The following SLC30A6 variants were observed in gnomAD, a reference collection of about 807,000 sequenced individuals.
SLC30A6 encodes the protein solute carrier family 30 member 6.
SLC30A6 carries 55 observed loss-of-function variants against 63.0 expected under a neutral mutation model. The ratio of observed to expected loss-of-function variants is 0.87; its 90% CI spans 0.70 to 1.09. The LOEUF is 1.09. Among genes scored for constraint, SLC30A6 ranks in the 50% least tolerant of loss-of-function variants. SLC30A6 has a pLI of 0.00. For missense variants in SLC30A6, 587 were observed against 549.2 expected (o/e 1.07, Z -0.69); for synonymous variants, 224 against 186.1 (o/e 1.20, Z -1.66).
At chr2:32,212,642 G>A (rs1195827675) in intron 13 of SLC30A6, among the ~76,000 whole-genome samples, 1 of 123,690 alleles carries the variant, frequency 8.1e-6, no homozygotes, top group Non-Finnish European at 1.6e-5. Context: ...CGCCAGGCTA[G>A]ACTGAGTGCA....
At chr2:32,203,840 G>A (rs1170709404) in intron 10 of SLC30A6, 2 of 1,381,288 alleles carry the variant, frequency 1.4e-6, no homozygotes, top group African/African-American at 2.8e-5. Context: ...CAGAGGAGTG[G>A]TTGGTCAAGT....
Position 32,165,896 on chromosome 2 carries a change from T to G in SLC30A6, c.-5T>G, listed in dbSNP as rs747352265. The G allele has an allele frequency of 2.5e-6, 4 of 1,614,182 alleles. 1 individual carries two copies. The South Asian group carries it at 3.3e-5, about 13-fold the overall frequency. The stretch of plus-strand genomic sequence containing the variant: ...CTTCCGGCGGGAGCTGTGCAGCTCC[T>G]TATCATGGTGAGTTGGCTGTTGGGG... On this transcript the variant is annotated 5_prime_UTR_variant, in exon 1 of 14. Transcript: ENST00000282587.
intron 7 of SLC30A6, 56 bp downstream of exon 7, chr2:32,193,009 G>A: frequency 1.8e-6 from 2 of 1,134,918 alleles, no homozygotes; most frequent in South Asian, 1.6e-5. Context: ...ATTAATTGAT[G>A]TATTATTAAA....
chr2:32,211,661 A>G (rs960809784), intron 13 of SLC30A6, among the ~76,000 whole-genome samples: 2 of 151,790 alleles, frequency 1.3e-5, no homozygotes, highest in African/African-American at 4.8e-5. Context: ...TCTGTCGCCC[A>G]GGTGGGCGTG....
At chr2:32,188,838 C>G (rs1405133462) in intron 5 of SLC30A6, among the ~76,000 whole-genome samples, 1 of 152,208 alleles carries the variant, frequency 6.6e-6, no homozygotes. Context: ...AACCTCCCTT[C>G]GTGTCCATTC....
At chr2:32,213,575 G>C (rs1404915052) in intron 13 of SLC30A6, among the ~76,000 whole-genome samples, 1 of 151,848 alleles carries the variant, frequency 6.6e-6, no homozygotes, top group Non-Finnish European at 1.5e-5. Flanking sequence ...CCTTTTATTT[G>C]GGTTTTCATA....
intron 13 of SLC30A6, among the ~76,000 whole-genome samples, chr2:32,211,520 A>G (rs1156892770): frequency 6.6e-6 from 1 of 150,694 alleles, no homozygotes; most frequent in Non-Finnish European, 1.5e-5. Flanking sequence ...TGCCCAAAAG[A>G]TTTTTTTTTA....
chr2:32,178,199 G>A (rs1409613693), intron 4 of SLC30A6, among the ~76,000 whole-genome samples: 1 of 150,786 alleles, frequency 6.6e-6, no homozygotes, highest in East Asian at 2.0e-4. Context: ...CGCCCGCCTC[G>A]GCTTCCCAAA....
chr2:32,203,940 T>A, intron 10 of SLC30A6: 1 of 802,744 alleles, frequency 1.2e-6, no homozygotes, highest in Non-Finnish European at 2.2e-6. Flanking sequence ...GACAAGATGG[T>A]AGAAGATGAA....
chr2:32,171,462 A>T (rs752766021), intron 2 of SLC30A6, 89 bp downstream of exon 2: 6 of 948,338 alleles, frequency 6.3e-6, no homozygotes, highest in Non-Finnish European at 9.9e-6. Context: ...AATAGAAATC[A>T]CTCCTGATCC....
At chr2:32,173,955 A>G in intron 2 of SLC30A6, 108 bp from the exon 3 acceptor site, 1 of 735,658 alleles carries the variant, frequency 1.4e-6, no homozygotes, top group Non-Finnish European at 2.1e-6. Flanking sequence ...TTTTTGAAGG[A>G]AGTTATGTTT....
chr2:32,219,061 CCTT>C (rs773006881), intron 13 of SLC30A6, among the ~76,000 whole-genome samples: 54 of 151,924 alleles, frequency 3.6e-4, no homozygotes, highest in South Asian at 1.0e-3. Flanking sequence ...TTCCTTCTTC[CCTT>C]CTTCTCTTCC....
chr2:32,177,945 T>A (rs936948414), intron 4 of SLC30A6, among the ~76,000 whole-genome samples: 21 of 131,308 alleles, frequency 1.6e-4, no homozygotes, highest in African/African-American at 5.4e-4. Context: ...TTTGAGTTAA[T>A]TTTTTTTTTT....
rs565620344 is a variant in SLC30A6 at position 32,165,963 on chromosome 2, T to C, written c.3+60T>C. ...AGCTGATTCGGTTTATCTTATTTGG[T>C]CCCGAAGCGACCTTGAAATCCCTCA... On this transcript the variant is annotated intron_variant, in intron 1 of 13. Coordinates refer to ENST00000282587, the MANE Select transcript of SLC30A6 (RefSeq NM_017964.5). The C allele has an allele frequency of 4.4e-5, 71 of 1,613,156 alleles. No individual in the cohort carries two copies. In the East Asian group the frequency reaches 1.5e-3, roughly 34 times the overall value.
At chr2:32,190,197 G>A (rs1251129515) in intron 5 of SLC30A6, among the ~76,000 whole-genome samples, 4 of 152,054 alleles carry the variant, frequency 2.6e-5, no homozygotes, top group East Asian at 3.9e-4. Context: ...GGTGGCTCAC[G>A]CATGTAATCC....
intron 5 of SLC30A6, among the ~76,000 whole-genome samples, chr2:32,185,171 G>T (rs1682697707): frequency 6.6e-6 from 1 of 152,082 alleles, no homozygotes; most frequent in Admixed American, 6.6e-5. Context: ...AGCCAGCCTG[G>T]GCAACATAGT....
chr2:32,205,594 T>C (rs547723660), intron 11 of SLC30A6, among the ~76,000 whole-genome samples: 2 of 151,892 alleles, frequency 1.3e-5, no homozygotes, highest in South Asian at 4.2e-4. Context: ...AATCTTCCTA[T>C]ATTTATATTG....
intron 1 of SLC30A6, among the ~76,000 whole-genome samples, chr2:32,168,135 T>C (rs1207482980): frequency 3.5e-4 from 54 of 152,156 alleles, no homozygotes; most frequent in Non-Finnish European, 4.4e-5. Flanking sequence ...AAGGTTTATT[T>C]TAAAGGATAT....
intron 13 of SLC30A6, among the ~76,000 whole-genome samples, chr2:32,218,242 G>A (rs998675055): frequency 2.0e-5 from 3 of 152,050 alleles, no homozygotes; most frequent in African/African-American, 7.2e-5. Flanking sequence ...GCAACACGGT[G>A]AGACCTCATC....
Sources: gnomAD v4.1 joint callset for allele counts (sites outside exome capture counted in the v4.1 genomes callset) on GRCh38, gnomAD v4.1.1 for gene constraint, MANE v1.5 for transcripts, NCBI Gene and HGNC (gene_info 2026-07-23, HGNC 2026-07-21) for gene names.